MACROD2: variants seen among roughly 807,000 people sequenced by gnomAD.
MACROD2 encodes the protein mono-ADP ribosylhydrolase 2.
Under a neutral mutation model 70.4 loss-of-function variants are expected in MACROD2, and 36 were observed. The ratio of observed to expected loss-of-function variants is 0.51; its 90% CI spans 0.39 to 0.68. The LOEUF is 0.68. Ranked by LOEUF, MACROD2 falls within the 30% of genes least tolerant of loss-of-function variation. The pLI is 0.00. For missense variants in MACROD2, 496 were observed against 538.4 expected, an observed-to-expected ratio of 0.92 and a Z score of 0.78; for synonymous variants, 172 against 178.8, an observed-to-expected ratio of 0.96 and a Z score of 0.30.
In MACROD2 at chr20:14,002,381, T is replaced by A. The variant is rs2052744076; in HGVS notation, c.140T>A (p.Met47Lys). ...LNSILSWKEE[M>K]KGKGQNDEEN... ...AGCATTCTATCATGGAAGGAGGAGA[T>A]GAAGGGCAAGGGCCAAAATGATGGT... The change falls in exon 2 of 18, where the codon ATG becomes AAG. Residue 47 changes from methionine to lysine, a missense_variant. By Grantham distance (95) the Met-to-Lys change is moderately conservative (BLOSUM62 -1). Coordinates refer to ENST00000684519, the MANE Select transcript of MACROD2 (RefSeq NM_001351661.2). The A allele has an allele frequency of 1.2e-6, 2 of 1,604,862 alleles. No individual in the cohort carries two copies.
At chr20:14,994,906 A>G (rs2122880193) in intron 5 of MACROD2, among the ~76,000 whole-genome samples, 1 of 152,288 alleles carries the variant, frequency 6.6e-6, no homozygotes, top group African/African-American at 2.4e-5. Context: ...TGGGAGGCCA[A>G]GGAAGGAGGA....
At chr20:14,262,936 C>T (rs1410524451) in intron 3 of MACROD2, among the ~76,000 whole-genome samples, 2 of 152,014 alleles carry the variant, frequency 1.3e-5, no homozygotes, top group Non-Finnish European at 1.5e-5. Context: ...TCTAGAATAA[C>T]GTAGGATTGA....
chr20:14,787,264 G>A (rs148417458), intron 5 of MACROD2, among the ~76,000 whole-genome samples: 124 of 151,876 alleles, frequency 8.2e-4, no homozygotes, highest in African/African-American at 2.8e-3. Context: ...TTAAATGATC[G>A]TTTTTGAAAG....
At chr20:15,408,615 C>T (rs183471736) in intron 6 of MACROD2, among the ~76,000 whole-genome samples, 21 of 152,304 alleles carry the variant, frequency 1.4e-4, no homozygotes, top group African/African-American at 5.1e-4. Context: ...CATTCAGCCG[C>T]TGAGATCAGT....
At chr20:14,465,346 T>C (rs2084431200) in intron 3 of MACROD2, among the ~76,000 whole-genome samples, 1 of 152,120 alleles carries the variant, frequency 6.6e-6, no homozygotes, top group African/African-American at 2.4e-5. Flanking sequence ...TGTCTGAGAC[T>C]AGGATTGCAA....
chr20:15,717,840 G>A (rs1049902165), intron 8 of MACROD2, among the ~76,000 whole-genome samples: 1 of 152,096 alleles, frequency 6.6e-6, no homozygotes, highest in African/African-American at 2.4e-5. Flanking sequence ...ACTCTTTCAA[G>A]GAGATCTGCT....
chr20:14,781,419 C>G (rs907001246), intron 5 of MACROD2, among the ~76,000 whole-genome samples: 1 of 149,894 alleles, frequency 6.7e-6, no homozygotes, highest in African/African-American at 2.5e-5. Flanking sequence ...CTCTGCTCTC[C>G]TGATGTTTAC....
chr20:15,597,914 A>G (rs894268322), intron 8 of MACROD2, among the ~76,000 whole-genome samples: 4 of 152,190 alleles, frequency 2.6e-5, no homozygotes, highest in Non-Finnish European at 5.9e-5. Flanking sequence ...ACCTGTCTCC[A>G]CTGAAAATAC....
chr20:14,734,114 C>T lies in MACROD2; in HGVS notation c.418+49155C>T, dbSNP rs367717322. On this transcript the variant is annotated intron_variant, in intron 5 of 17. Coordinates refer to ENST00000684519, the MANE Select transcript of MACROD2 (RefSeq NM_001351661.2). ...CATTCTGACACATCTTCTTAAAAAC[C>T]GTCAAAGAGTCTGAAAACATATCCC... is the stretch of plus-strand genomic sequence containing the variant. Among the ~76,000 whole-genome samples, 9 of 152,122 alleles carry T rather than the reference C, an allele frequency of 5.9e-5. No homozygotes were observed. In the East Asian group the frequency reaches 9.6e-4, roughly 16 times the overall value.
At chr20:14,423,600 T>C (rs985858656) in intron 3 of MACROD2, among the ~76,000 whole-genome samples, 2 of 148,682 alleles carry the variant, frequency 1.3e-5, no homozygotes, top group African/African-American at 2.5e-5. Context: ...CTCGGGAGGC[T>C]GAGGCAGGAG....
chr20:14,786,846 C>G (rs572121714), intron 5 of MACROD2, among the ~76,000 whole-genome samples: 1 of 152,068 alleles, frequency 6.6e-6, no homozygotes, highest in African/African-American at 2.4e-5. Flanking sequence ...TTTCTGCTCT[C>G]TCTGTACCCT....
chr20:15,767,718 G>A (rs527360100), intron 8 of MACROD2, among the ~76,000 whole-genome samples: 259 of 152,254 alleles, frequency 1.7e-3, no homozygotes, highest in Non-Finnish European at 2.9e-3. Flanking sequence ...CAAGTACCTT[G>A]TATTCATTGT....
intron 7 of MACROD2, among the ~76,000 whole-genome samples, chr20:15,448,372 C>T (rs1019387205): frequency 1.3e-5 from 2 of 152,084 alleles, no homozygotes; most frequent in Admixed American, 1.3e-4. Context: ...GGGATGCTTG[C>T]CCTGGCGTCC....
chr20:15,310,140 T>G (rs769834343), intron 6 of MACROD2, among the ~76,000 whole-genome samples: 5 of 152,226 alleles, frequency 3.3e-5, no homozygotes, highest in Non-Finnish European at 7.3e-5. Context: ...TCAGGGTTGT[T>G]GTACAGATTC....
chr20:15,140,103 T>G (rs538898041), intron 5 of MACROD2, among the ~76,000 whole-genome samples: 1 of 152,136 alleles, frequency 6.6e-6, no homozygotes, highest in Non-Finnish European at 1.5e-5. Context: ...TTGCAAGAAA[T>G]GTAGCTGTAA....
chr20:14,097,110 A>G lies in MACROD2; in HGVS notation c.271+11382A>G, dbSNP rs181778421. Among the ~76,000 whole-genome samples the G allele has an allele frequency of 5.6e-3, 856 of 152,298 alleles. 21 individuals are homozygous for G. Among genetic ancestry groups the G allele is most frequent in the Admixed American group, 0.039 (590 of 15,300 alleles). Reference sequence around the variant, plus strand: ...AAGCACTACTAATATTATGGGTAGTAGGTGTGTACTGTAATTTAAGGGTTC... The same window carrying G: ...AAGCACTACTAATATTATGGGTAGTGGGTGTGTACTGTAATTTAAGGGTTC... On this transcript the variant is annotated intron_variant, in intron 3 of 17. Coordinates refer to ENST00000684519, the MANE Select transcript of MACROD2 (RefSeq NM_001351661.2).
intron 8 of MACROD2, among the ~76,000 whole-genome samples, chr20:15,551,552 C>T: frequency 6.6e-6 from 1 of 152,114 alleles, no homozygotes; most frequent in East Asian, 1.9e-4. Context: ...GCGTGCCTTA[C>T]ATTTCTACTC....
intron 3 of MACROD2, among the ~76,000 whole-genome samples, chr20:14,310,408 C>T (rs375738620): frequency 6.6e-6 from 1 of 152,028 alleles, no homozygotes; most frequent in Non-Finnish European, 1.5e-5. Flanking sequence ...CAATCATGGT[C>T]CCATAAGATT....
intron 5 of MACROD2, among the ~76,000 whole-genome samples, chr20:14,718,290 C>A (rs1228281717): frequency 5.6e-4 from 20 of 35,788 alleles, no homozygotes; most frequent in African/African-American, 2.2e-3. Flanking sequence ...GAGACTCTGT[C>A]TCAAAAAAAA....
Sources: gnomAD v4.1 joint callset for allele counts (sites outside exome capture counted in the v4.1 genomes callset) on GRCh38, gnomAD v4.1.1 for gene constraint, MANE v1.5 for transcripts, NCBI Gene and HGNC (gene_info 2026-07-23, HGNC 2026-07-21) for gene names.